TESC: variants seen among roughly 807,000 people sequenced by gnomAD.
TESC encodes tescalcin.
Under a neutral mutation model 31.0 loss-of-function variants are expected in TESC, and 19 were observed. That is an observed-to-expected ratio of 0.61 (90% CI 0.43 to 0.90). The LOEUF is 0.90. Ranked by LOEUF, TESC falls within the 40% of genes least tolerant of loss-of-function variation. TESC has a pLI of 0.00. For synonymous variants in TESC, 109 were observed against 114.8 expected (o/e 0.95, Z 0.32); for missense variants, 248 against 303.8 (o/e 0.82, Z 1.36).
At position 117,056,863 on chromosome 12, in the gene TESC, G is replaced by A. The variant is rs1481983565; in HGVS notation, c.152C>T (p.Pro51Leu). The change falls in exon 3 of 8, where the codon CCG becomes CTG. Residue 51 changes from proline (P) to leucine (L), a missense_variant. Transcript: ENST00000335209. Reference sequence around the variant, plus strand: ...TCGGATGGGGTTGAGCTCCAGGTCCGGGACATTGTTGAAGTTCTCCTTGCT... The same window carrying A: ...TCGGATGGGGTTGAGCTCCAGGTCCAGGACATTGTTGAAGTTCTCCTTGCT... ...TIRKENFNNV[P>L]DLELNPIRSK... The A allele has an allele frequency of 5.0e-6, 8 of 1,614,104 alleles. No individual in the cohort carries two copies. The highest frequency in any genetic ancestry group is 2.2e-5 in the East Asian group (1 of 44,884).
At chr12:117,045,595 G>A (rs1189033643) in intron 6 of TESC, among the ~76,000 whole-genome samples, 1 of 152,182 alleles carries the variant, frequency 6.6e-6, no homozygotes, top group Non-Finnish European at 1.5e-5. Context: ...ATACACGTCA[G>A]GAAACCAACC....
chr12:117,063,836 T>C (rs900218562), intron 2 of TESC, among the ~76,000 whole-genome samples: 1 of 152,202 alleles, frequency 6.6e-6, no homozygotes, highest in Admixed American at 6.5e-5. Context: ...AGAGACTGCA[T>C]GTCACTCAGC....
chr12:117,090,818 C>T (rs1338462188), intron 1 of TESC, among the ~76,000 whole-genome samples: 1 of 152,184 alleles, frequency 6.6e-6, no homozygotes, highest in Non-Finnish European at 1.5e-5. Flanking sequence ...GTTCTCTGAT[C>T]ATTGGGATTC....
rs555980740 is a variant in TESC, at chr12:117,046,666, C to T, written c.412G>A (p.Val138Met). The change falls in exon 6 of 8, where the codon GTG becomes ATG. Residue 138 changes from valine to methionine, a missense_variant and splice_region_variant. Physicochemically the swap from Val to Met is conservative, Grantham distance 21. Transcript: ENST00000335209. ...GRITLEEYRN[V>M]VEELLSGNPH... is the part of the protein sequence containing the mutation. The stretch of plus-strand genomic sequence containing the variant: ...TTTCCCGACAGCAGCTCCTCGACCA[C>T]CTGCCAGGTGGGGCGGAAACAAACG... 1.9e-6 allele frequency: 3 copies of T among 1,552,180 alleles called. No individual in the cohort carries two copies. Among genetic ancestry groups the T allele is most frequent in the Non-Finnish European group, 2.6e-6 (3 of 1,147,204 alleles).
chr12:117,092,666 G>C (rs1388427104), intron 1 of TESC, among the ~76,000 whole-genome samples: 1 of 152,188 alleles, frequency 6.6e-6, no homozygotes, highest in Admixed American at 6.5e-5. Flanking sequence ...TTCCTCCTCT[G>C]CTGAGGAGCC....
intron 1 of TESC, among the ~76,000 whole-genome samples, chr12:117,097,075 C>T (rs1159963222): frequency 2.6e-5 from 4 of 152,182 alleles, no homozygotes; most frequent in Admixed American, 1.3e-4. Context: ...GCAGCCTCTC[C>T]GAGTCATCTC....
chr12:117,086,581 C>T (rs1955222675), intron 1 of TESC, among the ~76,000 whole-genome samples: 1 of 151,774 alleles, frequency 6.6e-6, no homozygotes, highest in Non-Finnish European at 1.5e-5. Flanking sequence ...TACAGGTGCA[C>T]ACCACAGCAC....
chr12:117,085,179 C>T (rs1014825874), intron 1 of TESC, among the ~76,000 whole-genome samples: 1 of 152,178 alleles, frequency 6.6e-6, no homozygotes, highest in Admixed American at 6.5e-5. Context: ...AGAGGCAGAA[C>T]ACACAGGGCT....
chr12:117,047,067 A>AT (rs1358400149), intron 4 of TESC, among the ~76,000 whole-genome samples: 1 of 152,192 alleles, frequency 6.6e-6, no homozygotes, highest in Non-Finnish European at 1.5e-5. Flanking sequence ...TGAAATGGGA[A>AT]TAACAACAGT....
rs1233327228 is a variant in TESC at position 117,099,168 on chromosome 12, C to G, written c.58+57G>C. ...CGCGGCGGCGGGCCGGGGTCCCCAACAGTGGCCGTTCGGAGGTCCCGCCCC... is the reference window on the plus strand; with the variant it reads ...CGCGGCGGCGGGCCGGGGTCCCCAAGAGTGGCCGTTCGGAGGTCCCGCCCC... On this transcript the variant is annotated intron_variant, in intron 1 of 7. Coordinates refer to ENST00000335209, the MANE Select transcript of TESC (RefSeq NM_017899.4). The G allele has an allele frequency of 4.1e-6, 6 of 1,460,034 alleles. 1 individual carries two copies. The South Asian group carries it at 6.6e-5, about 16-fold the overall frequency. The allele number at this position is 1,460,034 out of a possible 1,614,324, so 90.4% of individuals were successfully genotyped here. A position where few individuals can be genotyped will look rare whatever the true frequency, so the allele number is the denominator to read the frequency against.
intron 3 of TESC, 84 bp from the exon 4 acceptor site, chr12:117,049,242 G>A (rs932356996): frequency 9.5e-6 from 15 of 1,581,404 alleles, no homozygotes; most frequent in East Asian, 4.5e-5. Context: ...CGAGAACTCC[G>A]CTCTCAGGGT....
intron 2 of TESC, among the ~76,000 whole-genome samples, chr12:117,062,596 G>A (rs565926677): frequency 1.6e-4 from 24 of 151,536 alleles, no homozygotes; most frequent in Admixed American, 9.8e-4. Context: ...TGATACTGGC[G>A]GACCCAGGCA....
chr12:117,081,354 T>C (rs993871450), intron 1 of TESC, among the ~76,000 whole-genome samples: 3 of 152,206 alleles, frequency 2.0e-5, no homozygotes, highest in African/African-American at 7.2e-5. Context: ...ACTATTAAAA[T>C]TCATCTCACC....
At chr12:117,098,624 G>A (rs1955426710) in intron 1 of TESC, 1 of 152,292 alleles carries the variant, frequency 6.6e-6, no homozygotes, top group Non-Finnish European at 1.5e-5. Context: ...GCGAACTCAG[G>A]GGAGGACGCT....
intron 2 of TESC, among the ~76,000 whole-genome samples, chr12:117,071,349 C>T (rs1032327888): frequency 7.2e-5 from 11 of 152,230 alleles, no homozygotes; most frequent in African/African-American, 2.7e-4. Context: ...CTCCAAGAAG[C>T]CACAGTCTGC....
intron 1 of TESC, among the ~76,000 whole-genome samples, 174 bp downstream of exon 1, chr12:117,099,051 C>T (rs1207029999): frequency 6.6e-6 from 1 of 152,138 alleles, no homozygotes; most frequent in Non-Finnish European, 1.5e-5. Flanking sequence ...GAGCTCCTCG[C>T]CGCAGCCCGC....
In TESC at chr12:117,073,850, C is replaced by T. The variant is rs946549831; in HGVS notation, c.128+1421G>A. ...ATCCCAGCCACTCAGGAGGCTGAGG[C>T]GGGGGGACTGCTTGAGCTCAGGAGT... On this transcript the variant is annotated intron_variant, in intron 2 of 7. Coordinates refer to ENST00000335209, the MANE Select transcript of TESC (RefSeq NM_017899.4). Among the ~76,000 whole-genome samples, 6 of 151,844 alleles carry T rather than the reference C, an allele frequency of 4.0e-5. 1 individual carries two copies. The highest frequency in any genetic ancestry group is 2.0e-4 in the Admixed American group (3 of 15,226).
At chr12:117,049,700 A>C (rs151008372) in intron 3 of TESC, among the ~76,000 whole-genome samples, 2,090 of 152,168 alleles carry the variant, frequency 0.014, 27 homozygotes, top group South Asian at 0.038. Flanking sequence ...CAGGAGTTCG[A>C]GACCAGCCTG....
chr12:117,053,508 G>C (rs777726189), intron 3 of TESC, among the ~76,000 whole-genome samples: 4 of 151,944 alleles, frequency 2.6e-5, no homozygotes, highest in Non-Finnish European at 5.9e-5. Flanking sequence ...TGACAGCCAA[G>C]TGACCTTGGG....
Sources: gnomAD v4.1 joint callset for allele counts (sites outside exome capture counted in the v4.1 genomes callset) on GRCh38, gnomAD v4.1.1 for gene constraint, MANE v1.5 for transcripts, NCBI Gene and HGNC (gene_info 2026-07-23, HGNC 2026-07-21) for gene names.